CATSPERE: variants seen among roughly 807,000 people sequenced by gnomAD.
CATSPERE encodes cation channel sperm-associated auxiliary subunit epsilon.
In CATSPERE, 93 loss-of-function variants were observed where a neutral mutation model predicts 114.1. The ratio of observed to expected loss-of-function variants is 0.81; its 90% CI spans 0.69 to 0.97. CATSPERE has a LOEUF of 0.97. CATSPERE is among the 50% of genes least tolerant of loss of function. The probability of loss-of-function intolerance (pLI) is 0.00; values close to 1 mark genes in which losing one functional copy is unlikely to be tolerated. For missense variants in CATSPERE, 1,058 were observed against 1,131.6 expected, an observed-to-expected ratio of 0.93 and a Z score of 0.93; for synonymous variants, 341 against 384.1, an observed-to-expected ratio of 0.89 and a Z score of 1.31.
chr1:244,500,116 CAT>C (rs1247104409), intron 7 of CATSPERE, among the ~76,000 whole-genome samples: 3 of 152,000 alleles, frequency 2.0e-5, no homozygotes, highest in African/African-American at 4.8e-5. Context: ...GCTTTTTTTT[CAT>C]ATGTTTGCTG....
At chr1:244,617,089 T>G (rs759757374) in intron 19 of CATSPERE, among the ~76,000 whole-genome samples, 1 of 152,186 alleles carries the variant, frequency 6.6e-6, no homozygotes, top group Non-Finnish European at 1.5e-5. Context: ...AGGCAGGAGA[T>G]AGTTTGTATC....
At position 244,639,975 on chromosome 1, in the gene CATSPERE, T is replaced by C; in HGVS notation, c.2750T>C (p.Leu917Pro). The change falls in exon 22 of 22, where the codon CTC becomes CCC. Residue 917 changes from leucine (L) to proline (P), a missense_variant. Coordinates refer to ENST00000366534, the MANE Select transcript of CATSPERE (RefSeq NM_001130957.2). ...VASFLFVLMLLFFTILVLSYF... is the reference protein window; with the variant it reads ...VASFLFVLMLPFFTILVLSYF... ...TCTTTCCTCTTCGTCCTGATGCTGC[T>C]CTTCTTCACTATTCTTGTTTTGAGC... is the stretch of plus-strand genomic sequence containing the variant. 1 of 1,551,352 alleles carries C rather than the reference T, an allele frequency of 6.4e-7. No individual in the cohort carries two copies. Among genetic ancestry groups the C allele is most frequent in the Non-Finnish European group, 8.7e-7 (1 of 1,146,904 alleles).
intron 9 of CATSPERE, among the ~76,000 whole-genome samples, chr1:244,556,678 TATTACATTA>T (rs1558490137): frequency 1.3e-5 from 2 of 152,242 alleles, no homozygotes; most frequent in Non-Finnish European, 2.9e-5. Context: ...GAGTTTCAGA[TATTACATTA>T]AGTTTTTAAT....
At position 244,619,036 on chromosome 1, in the gene CATSPERE, T is replaced by C. The variant is rs181774542; in HGVS notation, c.2648+1350T>C. Reference sequence around the variant, plus strand: ...CCACAATAGGTAATGGGGTGGTTTTTCTGTGGGTGAGGTATTGAGATAAGA... The same window carrying C: ...CCACAATAGGTAATGGGGTGGTTTTCCTGTGGGTGAGGTATTGAGATAAGA... On this transcript the variant is annotated intron_variant, in intron 20 of 21. Transcript: ENST00000366534. Among the ~76,000 whole-genome samples the C allele has an allele frequency of 3.8e-4, 58 of 152,294 alleles. 2 individuals are homozygous for C. Among genetic ancestry groups the C allele is most frequent in the African/African-American group, 1.3e-3 (56 of 41,568 alleles).
chr1:244,606,456 A>C (rs74697964), intron 18 of CATSPERE, among the ~76,000 whole-genome samples: 6 of 151,412 alleles, frequency 4.0e-5, no homozygotes, highest in Non-Finnish European at 8.8e-5. Context: ...AAAAAAAAAA[A>C]CACAAAAAAC....
rs141293638 is a variant in CATSPERE, at chr1:244,475,107, A to G, written c.115-2434A>G. ...CAAAGCCCCTTCCCAATGCCCTTTC[A>G]TTTGTTTTATAAATTTCTATTTTTT... On this transcript the variant is annotated intron_variant, in intron 2 of 21. Coordinates refer to ENST00000366534, the MANE Select transcript of CATSPERE (RefSeq NM_001130957.2). Among the ~76,000 whole-genome samples, 751 of 151,832 alleles carry G rather than the reference A, an allele frequency of 4.9e-3. 3 individuals are homozygous for G. The highest frequency in any genetic ancestry group is 7.8e-3 in the Non-Finnish European group (533 of 67,920).
intron 19 of CATSPERE, among the ~76,000 whole-genome samples, chr1:244,611,539 G>A (rs958849285): frequency 5.9e-5 from 9 of 151,980 alleles, no homozygotes. Flanking sequence ...AGGTTGCAGT[G>A]AGCCATGATC....
chr1:244,491,006 G>T (rs1293391382), intron 6 of CATSPERE, among the ~76,000 whole-genome samples: 1 of 151,870 alleles, frequency 6.6e-6, no homozygotes, highest in African/African-American at 2.4e-5. Context: ...AGTATGAAGG[G>T]GGTCCTACTG....
At chr1:244,451,412 C>T (rs1665591649), upstream of CATSPERE, among the ~76,000 whole-genome samples, 1 of 152,208 alleles carries the variant, frequency 6.6e-6, no homozygotes, top group Non-Finnish European at 1.5e-5. The surrounding 1 kb of genome is among the most constrained non-coding windows in gnomAD (Gnocchi z 6.6). Flanking sequence ...CCACCTCTTC[C>T]TCCAGGGCCA....
At chr1:244,482,933 A>G (rs1296156981) in intron 5 of CATSPERE, among the ~76,000 whole-genome samples, 3 of 152,218 alleles carry the variant, frequency 2.0e-5, no homozygotes, top group African/African-American at 7.2e-5. Flanking sequence ...GTTTAAATTG[A>G]ATCATATGAT....
chr1:244,619,695 C>T (rs568254389), intron 20 of CATSPERE, among the ~76,000 whole-genome samples: 2 of 152,258 alleles, frequency 1.3e-5, no homozygotes, highest in Non-Finnish European at 2.9e-5. Context: ...TGGGAGAACA[C>T]GTATTATGCC....
chr1:244,525,166 A>C (rs1434309163), intron 8 of CATSPERE, among the ~76,000 whole-genome samples: 1 of 150,826 alleles, frequency 6.6e-6, no homozygotes, highest in South Asian at 2.1e-4. Context: ...GCCATAAAAA[A>C]TGATGAGTTC....
chr1:244,476,634 T>G (rs1031401952), intron 2 of CATSPERE, among the ~76,000 whole-genome samples: 1 of 152,208 alleles, frequency 6.6e-6, no homozygotes, highest in African/African-American at 2.4e-5. Context: ...CTTCATATAT[T>G]ATGTATGTGT....
At chr1:244,617,832 A>T in intron 20 of CATSPERE, 146 bp downstream of exon 20, 2 of 662,766 alleles carry the variant, frequency 3.0e-6, no homozygotes, top group Non-Finnish European at 4.7e-6. Flanking sequence ...CACATGAAAC[A>T]TTCTATGTGG....
rs527875547 is a variant in CATSPERE, at chr1:244,597,502, AC to A, written c.2303+3929del. On this transcript the variant is annotated intron_variant, in intron 17 of 21. Transcript: ENST00000366534. ...TTCTTTCTGTTTCCTTGCTGGTAGC[AC>A]CCCCTTAATTACTTAGTTCCTCCCT... Among the ~76,000 whole-genome samples the A allele has an allele frequency of 1.5e-3, 198 of 136,426 alleles. 2 individuals are homozygous for A. Among genetic ancestry groups the A allele is most frequent in the African/African-American group, 5.0e-3 (185 of 36,736 alleles). The allele number at this position is 136,426 out of a possible 152,430, so 89.5% of individuals were successfully genotyped here.
chr1:244,617,426 G>A, intron 19 of CATSPERE, 103 bp from the exon 20 acceptor site: 1 of 852,418 alleles, frequency 1.2e-6, no homozygotes, highest in South Asian at 2.1e-5. Flanking sequence ...GAAGGGAATA[G>A]CCATTACATC....
At chr1:244,459,229 T>C (rs147733827), upstream of CATSPERE, among the ~76,000 whole-genome samples, 249 of 152,038 alleles carry the variant, frequency 1.6e-3, 2 homozygotes, top group East Asian at 0.039. Flanking sequence ...CAGGCATGCA[T>C]CACCATGCCC....
Position 244,591,672 on chromosome 1 carries a change from C to G in CATSPERE, c.2139-9C>G. 6.8e-7 allele frequency: 1 copy of G among 1,461,096 alleles called. No individual in the cohort carries two copies. Among genetic ancestry groups the G allele is most frequent in the East Asian group, 2.3e-5 (1 of 43,368 alleles). The allele number at this position is 1,461,096 out of a possible 1,614,324, so 90.5% of individuals were successfully genotyped here. A position where few individuals can be genotyped will look rare whatever the true frequency, so the allele number is the denominator to read the frequency against. On this transcript the variant is annotated splice_polypyrimidine_tract_variant and intron_variant, in intron 14 of 21. Transcript: ENST00000366534. ...ATATTTCAACTTCATTATGTTTTGTCTTTTGTAGATTTAGTAAAAAAGGAT... is the reference window on the plus strand; with the variant it reads ...ATATTTCAACTTCATTATGTTTTGTGTTTTGTAGATTTAGTAAAAAAGGAT...
intron 9 of CATSPERE, among the ~76,000 whole-genome samples, chr1:244,553,474 G>A (rs1397441916): frequency 2.6e-5 from 4 of 151,210 alleles, no homozygotes; most frequent in African/African-American, 7.3e-5. Context: ...TCAGCTACTC[G>A]GGAGGCTGAG....
Sources: gnomAD v4.1 joint callset for allele counts (sites outside exome capture counted in the v4.1 genomes callset) on GRCh38, gnomAD v4.1.1 for gene constraint, Gnocchi (gnomAD v3.1) non-coding constraint, MANE v1.5 for transcripts, NCBI Gene and HGNC (gene_info 2026-07-23, HGNC 2026-07-21) for gene names.